ACER1: variants seen among roughly 807,000 people sequenced by gnomAD.
The protein encoded by ACER1 is alkaline ceramidase 1, also known as CTB-180A7.3.
In ACER1, 28 loss-of-function variants were observed where a neutral mutation model predicts 24.9. The observed-to-expected ratio is 1.13, with a 90% CI of 0.83 to 1.54. ACER1 has a LOEUF of 1.54. Among genes scored for constraint, ACER1 ranks in the 40% most tolerant of loss-of-function variants. ACER1 has a pLI of 0.00. For synonymous variants in ACER1, 132 were observed against 131.4 expected, an observed-to-expected ratio of 1.00 and a Z score of -0.03; for missense variants, 352 against 349.3, an observed-to-expected ratio of 1.01 and a Z score of -0.06.
the ACER1 span, among the ~76,000 whole-genome samples, chr19:6,347,109 A>AAAAAAAAAATATATATAT: frequency 1.4e-4 from 16 of 113,774 alleles, 1 homozygote; most frequent in African/African-American, 8.1e-4. Flanking sequence ...AAAAAAAAAA[A>AAAAAAAAAATATATATAT]ATATATATAT....
the ACER1 span, among the ~76,000 whole-genome samples, chr19:6,342,232 T>C: frequency 1.5e-4 from 22 of 151,290 alleles, no homozygotes; most frequent in African/African-American, 4.4e-4. Context: ...AAATGAATTC[T>C]GGTTGTGTAA....
the ACER1 span, among the ~76,000 whole-genome samples, chr19:6,347,671 A>G: frequency 6.6e-6 from 1 of 151,522 alleles, no homozygotes; most frequent in Non-Finnish European, 1.5e-5. Context: ...GCCTGTCTCT[A>G]CTAAAAATAC....
chr19:6,309,942 T>G (rs1327834112), intron 3 of ACER1, 108 bp from the exon 4 acceptor site: 1 of 1,419,586 alleles, frequency 7.0e-7, no homozygotes, highest in African/African-American at 1.4e-5. Context: ...GACAGGATTC[T>G]GGGGAGCCCA....
Position 6,306,400 on chromosome 19 carries a change from C to T in ACER1, c.*314G>A. 3.6e-6 allele frequency: 1 copy of T among 281,384 alleles called. No individual in the cohort carries two copies. Among genetic ancestry groups the T allele is most frequent in the South Asian group, 7.9e-5 (1 of 12,612 alleles). The allele number at this position is 281,384 out of a possible 1,614,324, so 17.4% of individuals were successfully genotyped here. A position where few individuals can be genotyped will look rare whatever the true frequency, so the allele number is the denominator to read the frequency against. On this transcript the variant is annotated 3_prime_UTR_variant, in exon 6 of 6. Coordinates refer to ENST00000301452, the MANE Select transcript of ACER1 (RefSeq NM_133492.3). Reference sequence around the variant, plus strand: ...CTTCAGTCACCCCAGTACCTGGTGACACAGTCCCACCAGCTCATGTGACAA... The same window carrying T: ...CTTCAGTCACCCCAGTACCTGGTGATACAGTCCCACCAGCTCATGTGACAA...
rs757612469 is a variant in ACER1, at chr19:6,306,809, G to C, written c.700C>G (p.Pro234Ala). The C allele has an allele frequency of 2.5e-6, 4 of 1,614,180 alleles. No homozygotes were observed. The South Asian group carries it at 3.3e-5, about 13-fold the overall frequency. ...MALVDANYEM[P>A]GETLKVRYWP... ...TAGCGGACTTTGAGGGTTTCACCTG[G>C]CATCTCATAGTTGGCATCCACCAAG... Residue 234 changes from proline to alanine, a missense_variant, in exon 6 of 6, where the codon CCA (proline) becomes GCA (alanine). Physicochemically the swap from Pro to Ala is conservative, Grantham distance 27. Coordinates refer to ENST00000301452, the MANE Select transcript of ACER1 (RefSeq NM_133492.3).
chr19:6,311,157 G>A (rs959064350), intron 3 of ACER1, among the ~76,000 whole-genome samples: 8 of 151,406 alleles, frequency 5.3e-5, no homozygotes, highest in Admixed American at 5.3e-4. Context: ...ATGTCAGACA[G>A]TGGCTCTCCA....
chr19:6,333,618 G>T, upstream of ACER1: 2 of 1,402,414 alleles, frequency 1.4e-6, no homozygotes, highest in South Asian at 1.3e-5. Context: ...GGAAGGCTGG[G>T]CCCTGATGAG....
intron 1 of ACER1, among the ~76,000 whole-genome samples, chr19:6,328,833 AT>A (rs147803168): frequency 1.7e-3 from 247 of 144,982 alleles, no homozygotes; most frequent in Non-Finnish European, 2.0e-3. Context: ...TGCCTGGCTA[AT>A]TTTTTTTTTT....
At chr19:6,325,422 G>A (rs1181259733) in intron 1 of ACER1, among the ~76,000 whole-genome samples, 1 of 152,192 alleles carries the variant, frequency 6.6e-6, no homozygotes, top group Non-Finnish European at 1.5e-5. Context: ...GGAGGCTGAG[G>A]TGGGTGGATC....
At chr19:6,326,417 C>T (rs1054141071) in intron 1 of ACER1, among the ~76,000 whole-genome samples, 5 of 151,766 alleles carry the variant, frequency 3.3e-5, no homozygotes, top group African/African-American at 4.8e-5. Flanking sequence ...TGAGCCACTG[C>T]GCCCGGCCTA....
chr19:6,345,072 G>T, the ACER1 span, among the ~76,000 whole-genome samples: 1 of 151,840 alleles, frequency 6.6e-6, no homozygotes, highest in Non-Finnish European at 1.5e-5. Context: ...TCACCACGTT[G>T]GCCAGGATGG....
the ACER1 span, among the ~76,000 whole-genome samples, chr19:6,339,281 C>T: frequency 2.6e-5 from 4 of 152,030 alleles, no homozygotes; most frequent in African/African-American, 9.7e-5. Context: ...ATTATTCAGC[C>T]CTGAAAAAGG....
the ACER1 span, among the ~76,000 whole-genome samples, chr19:6,340,354 AGGAAGGAAGGAAGGAAGGAAG>A: frequency 7.3e-6 from 1 of 137,354 alleles, no homozygotes; most frequent in Non-Finnish European, 1.6e-5. Context: ...GAAGGAAGGA[AGGAAGGAAGGAAGGAAGGAAG>A]AAAAACAGAA....
At chr19:6,333,642 AGCCCGGTGCCCC>A, upstream of ACER1, 1 of 1,117,276 alleles carries the variant, frequency 9.0e-7, no homozygotes, top group Non-Finnish European at 1.3e-6. Context: ...GGGAGAGGAC[AGCCCGGTGCCCC>A]GCGGCAGGCA....
At chr19:6,308,662 C>T (rs1196190464) in intron 4 of ACER1, among the ~76,000 whole-genome samples, 2 of 152,056 alleles carry the variant, frequency 1.3e-5, no homozygotes, top group African/African-American at 2.4e-5. Flanking sequence ...ATGTGTGCCT[C>T]AAGCTCTCAA....
At chr19:6,336,833 A>AG (rs201969059), upstream of ACER1, among the ~76,000 whole-genome samples, 1,044 of 150,628 alleles carry the variant, frequency 6.9e-3, 12 homozygotes, top group African/African-American at 0.024. Flanking sequence ...AAAAAAAAAA[A>AG]AAAAGAAAAA....
At chr19:6,339,444 G>T in the ACER1 span, among the ~76,000 whole-genome samples, 1 of 152,014 alleles carries the variant, frequency 6.6e-6, no homozygotes. Flanking sequence ...AGTAGAACGG[G>T]GGGTATGAGG....
chr19:6,325,076 G>T (rs918156208), intron 1 of ACER1, among the ~76,000 whole-genome samples: 1 of 152,068 alleles, frequency 6.6e-6, no homozygotes, highest in Non-Finnish European at 1.5e-5. Flanking sequence ...TTCTGTTCCT[G>T]TTGGATGACC....
At chr19:6,358,905 C>T in the ACER1 span, among the ~76,000 whole-genome samples, 2 of 138,924 alleles carry the variant, frequency 1.4e-5, no homozygotes, top group Middle Eastern at 3.8e-3. Context: ...TGCACTCCAG[C>T]CTGGGCAACA....
Sources: allele counts gnomAD v4.1 joint callset (sites outside exome capture counted in the v4.1 genomes callset), GRCh38; gene constraint gnomAD v4.1.1; transcripts MANE v1.5; gene names NCBI Gene and HGNC (gene_info 2026-07-23, HGNC 2026-07-21).